Variants in SPATA17 observed in about 807,000 individuals in gnomAD.
The protein encoded by SPATA17 is spermatogenesis associated 17.
Under a neutral mutation model 62.2 loss-of-function variants are expected in SPATA17, and 53 were observed. The ratio of observed to expected loss-of-function variants is 0.85; its 90% CI spans 0.68 to 1.07. The LOEUF (loss-of-function observed/expected upper bound fraction) is 1.07. SPATA17 is among the 50% of genes least tolerant of loss of function. The pLI is 0.00. For synonymous variants in SPATA17, 146 were observed against 146.8 expected (o/e 0.99, Z 0.04); for missense variants, 466 against 425.5 (o/e 1.10, Z -0.84).
intron 8 of SPATA17, among the ~76,000 whole-genome samples, chr1:217,794,530 G>T (rs1674088137): frequency 6.6e-6 from 1 of 152,164 alleles, no homozygotes; most frequent in Non-Finnish European, 1.5e-5. Context: ...TCCTGGGTGT[G>T]TTGTATTTGG....
intron 3 of SPATA17, among the ~76,000 whole-genome samples, chr1:217,668,550 AT>A (rs1427633433): frequency 2.6e-5 from 4 of 152,156 alleles, no homozygotes; most frequent in Admixed American, 2.6e-4. Context: ...GGAAGGCACA[AT>A]TTTGCTCCAT....
At chr1:217,770,980 T>A (rs974064470) in intron 6 of SPATA17, among the ~76,000 whole-genome samples, 8 of 60,484 alleles carry the variant, frequency 1.3e-4, no homozygotes, top group South Asian at 1.3e-3. Flanking sequence ...CTCATTGCAT[T>A]TTTTTTTTTT....
At chr1:217,706,399 A>G (rs1671735435) in intron 5 of SPATA17, among the ~76,000 whole-genome samples, 1 of 152,186 alleles carries the variant, frequency 6.6e-6, no homozygotes, top group African/African-American at 2.4e-5. Flanking sequence ...ATGTTGAGGA[A>G]GGGACCTGTA....
intron 9 of SPATA17, among the ~76,000 whole-genome samples, chr1:217,859,573 A>T (rs1399240662): frequency 6.6e-6 from 1 of 152,034 alleles, no homozygotes; most frequent in Non-Finnish European, 1.5e-5. Flanking sequence ...ATACCCAGCC[A>T]ATTTTTAAAC....
chr1:217,864,434 A>G (rs1351936407), intron 10 of SPATA17, among the ~76,000 whole-genome samples: 3 of 152,122 alleles, frequency 2.0e-5, no homozygotes, highest in African/African-American at 7.2e-5. Flanking sequence ...CTAGGAAAAG[A>G]AGACGGGATT....
chr1:217,661,252 A>T (rs1670562072), intron 3 of SPATA17, among the ~76,000 whole-genome samples: 1 of 141,964 alleles, frequency 7.0e-6, no homozygotes, highest in African/African-American at 2.7e-5. Context: ...TAAAAATAAG[A>T]ATAAACAGGA....
At chr1:217,744,266 T>G (rs1672697463) in intron 6 of SPATA17, among the ~76,000 whole-genome samples, 1 of 49,774 alleles carries the variant, frequency 2.0e-5, no homozygotes, top group African/African-American at 4.7e-5. Context: ...ATCGAGACCA[T>G]CCCGGCTAAA....
At chr1:217,776,253 C>A (rs994472337) in intron 7 of SPATA17, among the ~76,000 whole-genome samples, 2 of 151,944 alleles carry the variant, frequency 1.3e-5, no homozygotes, top group Non-Finnish European at 2.9e-5. Context: ...CCTAAAAGTC[C>A]CGGAGAGCCA....
chr1:217,808,381 A>ACC (rs61294567), intron 9 of SPATA17, among the ~76,000 whole-genome samples: 4 of 67,516 alleles, frequency 5.9e-5, no homozygotes, highest in South Asian at 4.3e-4. Context: ...ACACACACAC[A>ACC]CCCCCCTCAG....
intron 5 of SPATA17, among the ~76,000 whole-genome samples, chr1:217,707,659 C>T (rs932913081): frequency 5.3e-5 from 8 of 152,168 alleles, no homozygotes; most frequent in African/African-American, 1.9e-4. Flanking sequence ...AGAAAACTAA[C>T]AAAGATATTC....
chr1:217,798,232 G>A (rs927344197), intron 8 of SPATA17, among the ~76,000 whole-genome samples: 35 of 152,086 alleles, frequency 2.3e-4, no homozygotes, highest in Admixed American at 2.3e-3. Flanking sequence ...ACTCTTATTA[G>A]AAGTAAACTA....
intron 9 of SPATA17, chr1:217,850,691 G>T: frequency 7.3e-7 from 1 of 1,362,850 alleles, no homozygotes; most frequent in African/African-American, 1.4e-5. Flanking sequence ...CCAGCCACAG[G>T]AACACCTCCA....
At chr1:217,683,164 G>A (rs1000722676) in intron 4 of SPATA17, 94 bp from the exon 5 acceptor site, 3 of 771,256 alleles carry the variant, frequency 3.9e-6, no homozygotes, top group Admixed American at 2.6e-5. Context: ...TTTGATAGGA[G>A]TTATCAGCCA....
chr1:217,643,166 ATTC>A (rs765881280), intron 1 of SPATA17, among the ~76,000 whole-genome samples: 248 of 152,282 alleles, frequency 1.6e-3, no homozygotes, highest in Non-Finnish European at 2.5e-3. Flanking sequence ...CAATACGTTC[ATTC>A]TAGTTTTTTT....
At chr1:217,743,769 C>G (rs1284946180) in intron 6 of SPATA17, among the ~76,000 whole-genome samples, 1 of 151,948 alleles carries the variant, frequency 6.6e-6, no homozygotes, top group African/African-American at 2.4e-5. Flanking sequence ...ACCACCATGC[C>G]AGGCTAATTT....
intron 1 of SPATA17, among the ~76,000 whole-genome samples, chr1:217,646,603 AC>A (rs1321076310): frequency 6.6e-6 from 1 of 151,918 alleles, no homozygotes; most frequent in Non-Finnish European, 1.5e-5. Context: ...ATGGTTAAAA[AC>A]CCAGCCTCTG....
At chr1:217,786,296 G>A (rs574021186) in intron 8 of SPATA17, among the ~76,000 whole-genome samples, 228 of 152,246 alleles carry the variant, frequency 1.5e-3, no homozygotes, top group Non-Finnish European at 2.7e-3. Context: ...TTTAAATGTC[G>A]AGTTTTCTCT....
intron 2 of SPATA17, 88 bp from the exon 3 acceptor site, chr1:217,651,009 C>A: frequency 1.0e-6 from 1 of 980,074 alleles, no homozygotes. Flanking sequence ...AATTTGAATT[C>A]TTGAATTGTA....
At chr1:217,645,975 T>TA (rs559360138) in intron 1 of SPATA17, among the ~76,000 whole-genome samples, 26 of 152,306 alleles carry the variant, frequency 1.7e-4, no homozygotes, top group African/African-American at 6.0e-4. Flanking sequence ...ACCTTTTTTT[T>TA]AAATAATTGT....
Sources: gnomAD v4.1 joint callset for allele counts (sites outside exome capture counted in the v4.1 genomes callset) on GRCh38, gnomAD v4.1.1 for gene constraint, MANE v1.5 for transcripts, NCBI Gene and HGNC (gene_info 2026-07-23, HGNC 2026-07-21) for gene names.